KANSL1: variants seen among roughly 807,000 people sequenced by gnomAD.
KANSL1 encodes MLL1/MLL complex subunit KANSL1.
In KANSL1, 22 loss-of-function variants were observed where a neutral mutation model predicts 103.6. The observed-to-expected ratio is 0.21, with a 90% CI of 0.15 to 0.30. KANSL1 has a LOEUF of 0.30. Ranked by LOEUF, KANSL1 falls within the 10% of genes least tolerant of loss-of-function variation. The pLI is 1.00. For synonymous variants in KANSL1, 600 were observed against 527.6 expected (o/e 1.14, Z -1.88); for missense variants, 1,337 against 1,399.8 (o/e 0.96, Z 0.72).
chr17:46,140,629 G>T (rs1325281500), intron 2 of KANSL1, among the ~76,000 whole-genome samples: 1 of 151,958 alleles, frequency 6.6e-6, no homozygotes, highest in Non-Finnish European at 1.5e-5. Context: ...GAAAATATCT[G>T]AAAATCATCT....
chr17:46,148,752 T>G (rs1012780704), intron 2 of KANSL1, among the ~76,000 whole-genome samples: 12 of 151,928 alleles, frequency 7.9e-5, no homozygotes, highest in Non-Finnish European at 1.5e-4. Context: ...TTGCTAATTT[T>G]TTTTTGTATT....
intron 1 of KANSL1, among the ~76,000 whole-genome samples, chr17:46,199,900 T>C (rs2047737753): frequency 6.6e-6 from 1 of 152,246 alleles, no homozygotes; most frequent in Non-Finnish European, 1.5e-5. Context: ...CCATCAGCTA[T>C]TGTTAAAATC....
chr17:46,209,282 TTGATAAA>T (rs2048082886), intron 1 of KANSL1, among the ~76,000 whole-genome samples: 2 of 152,194 alleles, frequency 1.3e-5, no homozygotes, highest in Non-Finnish European at 2.9e-5. Flanking sequence ...ATAAGTGGGA[TTGATAAA>T]AAGCAAGACA....
chr17:46,045,053 T>C (rs986592196), intron 7 of KANSL1: 4 of 152,056 alleles, frequency 2.6e-5, no homozygotes, highest in Non-Finnish European at 5.9e-5. Flanking sequence ...CTTTAAAACA[T>C]CTTCTAGAGA....
chr17:46,195,751 T>C (rs1204629374), upstream of KANSL1, among the ~76,000 whole-genome samples: 1 of 152,122 alleles, frequency 6.6e-6, no homozygotes, highest in East Asian at 1.9e-4. Flanking sequence ...TTTTGGTAGA[T>C]ACAGAGTCTC....
chr17:46,192,460 C>T (rs1163388144), intron 1 of KANSL1: 1 of 152,742 alleles, frequency 6.5e-6, no homozygotes, highest in African/African-American at 2.4e-5. Flanking sequence ...AGAGAAAGGC[C>T]TTTTGCAGTC....
In KANSL1 at chr17:46,094,540, A is replaced by C; in HGVS notation, c.1431+20T>G. 1 of 1,604,804 alleles carries C rather than the reference A, an allele frequency of 6.2e-7. No homozygotes were observed. Among genetic ancestry groups the C allele is most frequent in the Non-Finnish European group, 8.5e-7 (1 of 1,177,150 alleles). On this transcript the variant is annotated intron_variant, in intron 3 of 14. Coordinates refer to ENST00000432791, the MANE Select transcript of KANSL1 (RefSeq NM_015443.4). ...ATAGTTTTCGGCAGCATTTAAAAAC[A>C]TCAGATACTTATCCCTTACCTTATT...
chr17:46,034,142 A>C lies in KANSL1; in HGVS notation c.2666+19T>G, dbSNP rs1480799761. On this transcript the variant is annotated intron_variant, in intron 11 of 14. Coordinates refer to ENST00000432791, the MANE Select transcript of KANSL1 (RefSeq NM_015443.4). Reference sequence around the variant, plus strand: ...AGCAGGAAGAATGGGGAGAGGAGCCAACTATTCTGAGCTTCTACCTGGGCG... The same window carrying C: ...AGCAGGAAGAATGGGGAGAGGAGCCCACTATTCTGAGCTTCTACCTGGGCG... 1.2e-6 allele frequency: 2 copies of C among 1,612,902 alleles called. No individual in the cohort carries two copies. The highest frequency in any genetic ancestry group is 1.7e-6 in the Non-Finnish European group (2 of 1,179,446).
chr17:46,067,938 T>G (rs1393430843), intron 4 of KANSL1, among the ~76,000 whole-genome samples: 1 of 150,704 alleles, frequency 6.6e-6, no homozygotes, highest in Non-Finnish European at 1.5e-5. Flanking sequence ...CAGCGAGACC[T>G]CATCTCTAAT....
intron 6 of KANSL1, among the ~76,000 whole-genome samples, chr17:46,063,516 G>GCA (rs2078253459): frequency 1.3e-5 from 2 of 152,152 alleles, no homozygotes; most frequent in Non-Finnish European, 2.9e-5. Context: ...CTCTAACTCT[G>GCA]GAAGAACTCC....
At chr17:46,210,654 T>TA (rs1000398105) in intron 1 of KANSL1, among the ~76,000 whole-genome samples, 2 of 152,148 alleles carry the variant, frequency 1.3e-5, no homozygotes, top group African/African-American at 4.8e-5. Flanking sequence ...TTTAACATTT[T>TA]AATATATTGT....
rs527802864 is a variant in KANSL1, at chr17:46,113,550, C to T, written c.1290-18849G>A. 8.5e-5 allele frequency among the ~76,000 whole-genome samples: 13 copies of T among 152,194 alleles called. No homozygotes were observed. The South Asian group carries it at 1.5e-3, about 17-fold the overall frequency. On this transcript the variant is annotated intron_variant, in intron 2 of 14. Coordinates refer to ENST00000432791, the MANE Select transcript of KANSL1 (RefSeq NM_015443.4). ...TACCTGTAGGTATAAGTGGGGCAAACTGTTTATCGCACGGTAGATCATGCT... is the reference window on the plus strand; with the variant it reads ...TACCTGTAGGTATAAGTGGGGCAAATTGTTTATCGCACGGTAGATCATGCT...
intron 2 of KANSL1, among the ~76,000 whole-genome samples, chr17:46,124,660 G>C (rs1265166610): frequency 6.6e-6 from 1 of 152,212 alleles, no homozygotes; most frequent in African/African-American, 2.4e-5. Flanking sequence ...AGTCACTCAT[G>C]ATTCATGGGA....
At chr17:46,169,025 T>C (rs1315400993) in intron 2 of KANSL1, among the ~76,000 whole-genome samples, 3 of 152,260 alleles carry the variant, frequency 2.0e-5, no homozygotes, top group Non-Finnish European at 4.4e-5. Context: ...ATGCAACGTA[T>C]CCTGAAAACA....
intron 2 of KANSL1, among the ~76,000 whole-genome samples, chr17:46,147,486 A>G (rs191913603): frequency 1.1e-3 from 168 of 151,020 alleles, no homozygotes; most frequent in African/African-American, 4.0e-3. Flanking sequence ...AGATAGAAGA[A>G]TTGCTTGAGA....
chr17:46,207,314 A>T (rs1203540579), intron 1 of KANSL1, among the ~76,000 whole-genome samples: 2 of 152,136 alleles, frequency 1.3e-5, no homozygotes, highest in African/African-American at 4.8e-5. Flanking sequence ...GTTCAAGACC[A>T]ACCTGGCCAA....
intron 1 of KANSL1, among the ~76,000 whole-genome samples, chr17:46,183,897 A>C (rs1267322751): frequency 1.3e-5 from 2 of 152,206 alleles, no homozygotes; most frequent in African/African-American, 4.8e-5. Flanking sequence ...TAGGCGACAG[A>C]ATGAGACTGT....
Position 46,032,087 on chromosome 17 carries a change from T to C in KANSL1, c.3050A>G (p.Asp1017Gly). The C allele has an allele frequency of 6.2e-7, 1 of 1,614,122 alleles. No homozygotes were observed. ...CAGCTCTGGTGTGGAACAACGGGTA[T>C]CCTCACTGGCTAAGTGTCGCGGAGT... ...RDTPRHLASEDTRCSTPELGL... is the reference protein window; with the variant it reads ...RDTPRHLASEGTRCSTPELGL... The change falls in exon 14 of 15, where the codon GAT becomes GGT. Residue 1017 changes from aspartate (D) to glycine (G), a missense_variant. Physicochemically the swap from Asp to Gly is moderately conservative, Grantham distance 94. Around this residue, in one of 2 missense-constraint regions of KANSL1, gnomAD observed 780 missense variants for 923.4 expected, o/e 0.84. Coordinates refer to ENST00000432791, the MANE Select transcript of KANSL1 (RefSeq NM_015443.4).
chr17:46,037,879 G>T (rs1321406773), intron 10 of KANSL1: 1 of 152,238 alleles, frequency 6.6e-6, no homozygotes, highest in African/African-American at 2.4e-5. Context: ...TGAAATTAAA[G>T]GAAATGTGTC....
Sources: gnomAD v4.1 joint callset for allele counts (sites outside exome capture counted in the v4.1 genomes callset) on GRCh38, gnomAD v4.1.1 for gene constraint, gnomAD v4.1.1 regional missense constraint, MANE v1.5 for transcripts, NCBI Gene and HGNC (gene_info 2026-07-23, HGNC 2026-07-21) for gene names.